Variants in SETBP1 observed in about 807,000 individuals in gnomAD.
SETBP1 encodes SET binding protein 1.
In SETBP1, 9 loss-of-function variants were observed where a neutral mutation model predicts 101.0. That is an observed-to-expected ratio of 0.09 (90% CI 0.05 to 0.16). The LOEUF (loss-of-function observed/expected upper bound fraction) is 0.16, where lower values mean the gene tolerates loss of function less well. Ranked by LOEUF, SETBP1 falls within the 10% of genes least tolerant of loss-of-function variation. The probability of loss-of-function intolerance (pLI) is 1.00; values close to 1 mark genes in which losing one functional copy is unlikely to be tolerated. For missense variants in SETBP1, 1,858 were observed against 2,033.8 expected (o/e 0.91, Z 1.66); for synonymous variants, 818 against 788.5 (o/e 1.04, Z -0.63).
intron 2 of SETBP1, chr18:44,732,953 A>G (rs1267439207): frequency 6.6e-6 from 1 of 152,154 alleles, no homozygotes; most frequent in African/African-American, 2.4e-5. Context: ...CAAACTCTCA[A>G]AAACCAGAGT....
intron 1 of SETBP1, among the ~76,000 whole-genome samples, chr18:44,684,620 T>C (rs904951980): frequency 2.0e-5 from 3 of 147,648 alleles, no homozygotes; most frequent in African/African-American, 7.4e-5. Flanking sequence ...GAGGGTACCA[T>C]CTAAGGTTGA....
At chr18:44,720,496 C>T (rs1814782111) in intron 2 of SETBP1, among the ~76,000 whole-genome samples, 1 of 152,220 alleles carries the variant, frequency 6.6e-6, no homozygotes. Context: ...AGAGGAACCA[C>T]ATGGGCACTT....
chr18:44,923,561 G>T (rs1355803451), intron 3 of SETBP1, among the ~76,000 whole-genome samples: 1 of 152,146 alleles, frequency 6.6e-6, no homozygotes, highest in African/African-American at 2.4e-5. Context: ...TATCTCCATG[G>T]CCAAGAGTAT....
chr18:44,985,561 G>A (rs940057858), intron 4 of SETBP1, among the ~76,000 whole-genome samples: 2 of 152,154 alleles, frequency 1.3e-5, no homozygotes, highest in African/African-American at 4.8e-5. Context: ...TGAATCTCAC[G>A]CAAGGGCACA....
chr18:44,884,567 T>A (rs1478908506), intron 3 of SETBP1, among the ~76,000 whole-genome samples: 1 of 152,118 alleles, frequency 6.6e-6, no homozygotes, highest in African/African-American at 2.4e-5. Flanking sequence ...TTTTGTAAAC[T>A]GACTTTGGAT....
At chr18:45,012,670 A>T (rs1266244837) in intron 4 of SETBP1, among the ~76,000 whole-genome samples, 1 of 152,214 alleles carries the variant, frequency 6.6e-6, no homozygotes, top group Non-Finnish European at 1.5e-5. Context: ...ACAATGGAAT[A>T]CTACTCAGCC....
chr18:44,899,425 C>T (rs1249236012), intron 3 of SETBP1, among the ~76,000 whole-genome samples: 1 of 152,126 alleles, frequency 6.6e-6, no homozygotes, highest in African/African-American at 2.4e-5. Flanking sequence ...AATTCTGTCT[C>T]CAAAATAAAA....
At chr18:44,854,327 T>C (rs2072930773) in intron 2 of SETBP1, among the ~76,000 whole-genome samples, 1 of 152,186 alleles carries the variant, frequency 6.6e-6, no homozygotes. Context: ...ACTGCGTTTA[T>C]CTGGGATTTA....
intron 4 of SETBP1, among the ~76,000 whole-genome samples, chr18:45,027,852 G>C (rs1266745728): frequency 6.6e-6 from 1 of 152,128 alleles, no homozygotes; most frequent in Non-Finnish European, 1.5e-5. Context: ...ATCAAGGAGA[G>C]CTCCATTTCT....
At chr18:44,725,120 A>G (rs2069679359) in intron 2 of SETBP1, among the ~76,000 whole-genome samples, 2 of 152,164 alleles carry the variant, frequency 1.3e-5, no homozygotes, top group Admixed American at 1.3e-4. Flanking sequence ...CATCAGATAA[A>G]TGTAAAAGGG....
Position 44,951,035 on chromosome 18 carries a change from C to T in SETBP1, c.1695C>T (p.Thr565=). 1 of 1,614,018 alleles carries T rather than the reference C, an allele frequency of 6.2e-7. No individual in the cohort carries two copies. Among genetic ancestry groups the T allele is most frequent in the Non-Finnish European group, 8.5e-7 (1 of 1,180,030 alleles). The change falls in exon 4 of 6, where the codon ACC becomes ACT. Residue 565 remains threonine, a synonymous_variant. Coordinates refer to ENST00000649279, the MANE Select transcript of SETBP1 (RefSeq NM_015559.3). The surrounding 1 kb of genome is among the most constrained non-coding windows in gnomAD (Gnocchi z 7.8). ...AGCCCCCGTCTGCATATCCCATCACCCCATCCAGCCCTCTCTACACCAACA... is the reference window on the plus strand; with the variant it reads ...AGCCCCCGTCTGCATATCCCATCACTCCATCCAGCCCTCTCTACACCAACA... ...MLEPPSAYPI[T]PSSPLYTNTD... is the part of the protein sequence containing the mutation.
At chr18:44,725,245 C>T (rs1381802697) in intron 2 of SETBP1, among the ~76,000 whole-genome samples, 1 of 152,210 alleles carries the variant, frequency 6.6e-6, no homozygotes, top group Non-Finnish European at 1.5e-5. Flanking sequence ...ATCTGGTAAT[C>T]ATCTGTATCT....
chr18:45,052,905 T>C (rs763436285), intron 5 of SETBP1, among the ~76,000 whole-genome samples: 1 of 152,186 alleles, frequency 6.6e-6, no homozygotes, highest in Non-Finnish European at 1.5e-5. Flanking sequence ...AGAACTCTTT[T>C]GAGAAAACAA....
intron 4 of SETBP1, among the ~76,000 whole-genome samples, chr18:44,962,901 C>T (rs1348472500): frequency 2.6e-5 from 4 of 152,100 alleles, no homozygotes; most frequent in Non-Finnish European, 5.9e-5. Flanking sequence ...TCTGAGGACC[C>T]AGAGATAAAA....
chr18:44,824,440 A>G (rs181490764), intron 2 of SETBP1, among the ~76,000 whole-genome samples: 1 of 152,148 alleles, frequency 6.6e-6, no homozygotes, highest in African/African-American at 2.4e-5. Context: ...ACTCGATTCT[A>G]TTCTCTCTGT....
chr18:44,887,797 G>A (rs779728481), intron 3 of SETBP1, among the ~76,000 whole-genome samples: 1 of 152,092 alleles, frequency 6.6e-6, no homozygotes, highest in African/African-American at 2.4e-5. Flanking sequence ...TGTCCCGGAT[G>A]CCCAGGGCTT....
At chr18:44,910,114 G>T (rs1305381821) in intron 3 of SETBP1, among the ~76,000 whole-genome samples, 2 of 152,266 alleles carry the variant, frequency 1.3e-5, no homozygotes, top group East Asian at 3.9e-4. Flanking sequence ...TGGGTTACTG[G>T]CATCATTGAC....
intron 3 of SETBP1, among the ~76,000 whole-genome samples, chr18:44,886,706 T>C (rs931878610): frequency 4.0e-5 from 6 of 151,486 alleles, no homozygotes; most frequent in Non-Finnish European, 5.9e-5. Flanking sequence ...GGGATTTTCA[T>C]TAGTTTGGCA....
intron 2 of SETBP1, among the ~76,000 whole-genome samples, chr18:44,803,568 C>G (rs2071656199): frequency 6.6e-6 from 1 of 152,154 alleles, no homozygotes; most frequent in Non-Finnish European, 1.5e-5. Flanking sequence ...TTTCTTTTCA[C>G]TTTTCCTCTT....
Sources: gnomAD v4.1 joint callset for allele counts (sites outside exome capture counted in the v4.1 genomes callset) on GRCh38, gnomAD v4.1.1 for gene constraint, Gnocchi (gnomAD v3.1) non-coding constraint, MANE v1.5 for transcripts, NCBI Gene and HGNC (gene_info 2026-07-23, HGNC 2026-07-21) for gene names.